PSMD14: variants seen among roughly 807,000 people sequenced by gnomAD.
PSMD14 encodes ubiquitin C-terminal hydrolase PSMD14.
In PSMD14, 7 loss-of-function variants were observed where a neutral mutation model predicts 41.2. That is an observed-to-expected ratio of 0.17 (90% CI 0.10 to 0.32). The LOEUF is 0.32. Ranked by LOEUF, PSMD14 falls within the 10% of genes least tolerant of loss-of-function variation. The pLI, the probability that PSMD14 is intolerant of heterozygous loss-of-function variation, is 1.00. For missense variants in PSMD14, 139 were observed against 375.6 expected, an observed-to-expected ratio of 0.37 and a Z score of 5.21; for synonymous variants, 114 against 122.3, an observed-to-expected ratio of 0.93 and a Z score of 0.45.
intron 5 of PSMD14, among the ~76,000 whole-genome samples, chr2:161,369,142 TATGTAG>T (rs1476780942): frequency 2.0e-5 from 3 of 152,022 alleles, no homozygotes; most frequent in Non-Finnish European, 4.4e-5. Flanking sequence ...TATGGGTACT[TATGTAG>T]ATACCCATTA....
chr2:161,321,846 G>A (rs567880727), intron 3 of PSMD14, among the ~76,000 whole-genome samples: 42 of 152,304 alleles, frequency 2.8e-4, no homozygotes, highest in Admixed American at 5.9e-4. Context: ...ATTAGGGCAT[G>A]TCACCCTCCC....
At chr2:161,368,398 A>G (rs1200594496) in intron 5 of PSMD14, among the ~76,000 whole-genome samples, 1 of 152,144 alleles carries the variant, frequency 6.6e-6, no homozygotes, top group Non-Finnish European at 1.5e-5. Flanking sequence ...AAAACAAAAC[A>G]ATAGCAAACC....
At chr2:161,373,745 A>G (rs1427100038) in intron 7 of PSMD14, among the ~76,000 whole-genome samples, 1 of 151,922 alleles carries the variant, frequency 6.6e-6, no homozygotes, top group African/African-American at 2.4e-5. Context: ...AACATTTTGT[A>G]TATTTCCATT....
chr2:161,378,861 A>G (rs1559050722), intron 7 of PSMD14, among the ~76,000 whole-genome samples: 1 of 152,054 alleles, frequency 6.6e-6, no homozygotes. Flanking sequence ...TAATTTCTAT[A>G]TAGTATTTAA....
intron 7 of PSMD14, among the ~76,000 whole-genome samples, chr2:161,377,828 A>G (rs1475169565): frequency 6.6e-6 from 1 of 151,884 alleles, no homozygotes; most frequent in African/African-American, 2.4e-5. Flanking sequence ...CTCTGTAGTC[A>G]TCTAATTATC....
At chr2:161,382,140 A>G (rs1041690699) in intron 7 of PSMD14, 2 of 151,886 alleles carry the variant, frequency 1.3e-5, no homozygotes, top group African/African-American at 4.8e-5. Flanking sequence ...ACTAACCAGT[A>G]TATTCACAGC....
chr2:161,367,982 T>C, intron 5 of PSMD14, 79 bp downstream of exon 5: 1 of 1,429,410 alleles, frequency 7.0e-7, no homozygotes, highest in Non-Finnish European at 9.4e-7. Context: ...CTAACTCTCA[T>C]CATATTACAT....
At chr2:161,371,026 A>G (rs767786925) in intron 6 of PSMD14, 146 bp from the exon 7 acceptor site, 22 of 850,420 alleles carry the variant, frequency 2.6e-5, no homozygotes, top group East Asian at 1.6e-4. Context: ...ATGGTGTACA[A>G]TTTCAGGGTT....
At chr2:161,379,413 G>C (rs903800324) in intron 7 of PSMD14, among the ~76,000 whole-genome samples, 3 of 151,976 alleles carry the variant, frequency 2.0e-5, no homozygotes, top group African/African-American at 7.2e-5. Context: ...TTTTAAAAGA[G>C]AGATAATAAC....
intron 3 of PSMD14, among the ~76,000 whole-genome samples, chr2:161,328,397 A>G (rs1165948904): frequency 3.9e-5 from 6 of 152,188 alleles, no homozygotes; most frequent in Non-Finnish European, 5.9e-5. Context: ...TACATACAAC[A>G]TGGAAGCATG....
At chr2:161,401,042 T>A (rs1186818525) in intron 10 of PSMD14, among the ~76,000 whole-genome samples, 1 of 152,220 alleles carries the variant, frequency 6.6e-6, no homozygotes, top group Non-Finnish European at 1.5e-5. Flanking sequence ...TGATATGTAC[T>A]ATAGATAGAG....
At chr2:161,339,249 T>C (rs1055147383) in intron 3 of PSMD14, among the ~76,000 whole-genome samples, 17 of 152,208 alleles carry the variant, frequency 1.1e-4, no homozygotes, top group African/African-American at 4.1e-4. Flanking sequence ...ATCATTTATA[T>C]TCCCACCAGC....
chr2:161,400,360 A>T (rs1683859048), intron 10 of PSMD14, among the ~76,000 whole-genome samples: 2 of 152,180 alleles, frequency 1.3e-5, no homozygotes, highest in Admixed American at 1.3e-4. Context: ...AAAGGGGGAT[A>T]AATCAGTTTC....
In PSMD14 at chr2:161,411,510, TG is replaced by T. The variant is rs1297008127; in HGVS notation, c.*112del. On this transcript the variant is annotated 3_prime_UTR_variant, in exon 12 of 12. Coordinates refer to ENST00000409682, the MANE Select transcript of PSMD14 (RefSeq NM_005805.6). ...TGTACTTGGCTAAATGTAAGACATC[TG>T]GCATCATTTGCAGCACTGTAACACC... 4.9e-6 allele frequency: 3 copies of T among 615,488 alleles called. No homozygotes were observed. The highest frequency in any genetic ancestry group is 7.9e-6 in the Non-Finnish European group (3 of 379,302). The allele number at this position is 615,488 out of a possible 1,614,324, so 38.1% of individuals were successfully genotyped here.
At chr2:161,360,381 T>TC (rs1683274002) in intron 3 of PSMD14, among the ~76,000 whole-genome samples, 1 of 143,146 alleles carries the variant, frequency 7.0e-6, no homozygotes, top group Non-Finnish European at 1.5e-5. Context: ...TTTTTTTTTT[T>TC]CACCCGCTCT....
intron 10 of PSMD14, chr2:161,408,045 A>C (rs895947349): frequency 6.6e-6 from 1 of 152,064 alleles, no homozygotes; most frequent in South Asian, 2.1e-4. Flanking sequence ...TTATTTCAGA[A>C]TTACTCTGCC....
chr2:161,408,966 T>C, intron 11 of PSMD14, 67 bp downstream of exon 11: 1 of 1,299,956 alleles, frequency 7.7e-7, no homozygotes, highest in South Asian at 1.3e-5. Context: ...TAAAACTGTT[T>C]TAGGGCCTAT....
intron 8 of PSMD14, among the ~76,000 whole-genome samples, chr2:161,386,501 C>T (rs1306515485): frequency 6.6e-6 from 1 of 151,230 alleles, no homozygotes; most frequent in Admixed American, 6.6e-5. Flanking sequence ...GGCAGTCACT[C>T]ATCTGTAATC....
intron 3 of PSMD14, among the ~76,000 whole-genome samples, chr2:161,324,838 A>G (rs747972748): frequency 6.6e-6 from 1 of 152,132 alleles, no homozygotes; most frequent in Non-Finnish European, 1.5e-5. Context: ...TTTTTCTGTC[A>G]TCTTTGAAGT....
Sources: gnomAD v4.1 joint callset for allele counts (sites outside exome capture counted in the v4.1 genomes callset) on GRCh38, gnomAD v4.1.1 for gene constraint, MANE v1.5 for transcripts, NCBI Gene and HGNC (gene_info 2026-07-23, HGNC 2026-07-21) for gene names.